Variants in ADGRL3 observed in about 807,000 individuals in gnomAD.
The protein encoded by ADGRL3 is calcium-independent alpha-latrotoxin receptor 3.
Under a neutral mutation model 153.5 loss-of-function variants are expected in ADGRL3, and 62 were observed. The ratio of observed to expected loss-of-function variants is 0.40; its 90% CI spans 0.33 to 0.50. ADGRL3 has a LOEUF of 0.50. Among genes scored for constraint, ADGRL3 ranks in the 20% least tolerant of loss-of-function variants. The pLI is 0.47. For synonymous variants in ADGRL3, 710 were observed against 672.5 expected (o/e 1.06, Z -0.86); for missense variants, 1,641 against 1,859.4 (o/e 0.88, Z 2.16).
At chr4:61,594,619 GTC>G (rs1457791620) in intron 5 of ADGRL3, among the ~76,000 whole-genome samples, 1 of 152,138 alleles carries the variant, frequency 6.6e-6, no homozygotes, top group African/African-American at 2.4e-5. Flanking sequence ...CATATTGAGT[GTC>G]TCTCTCTGTG....
intron 9 of ADGRL3, among the ~76,000 whole-genome samples, chr4:61,832,812 C>CTTTTT (rs11340246): frequency 7.3e-6 from 1 of 137,042 alleles, no homozygotes; most frequent in Non-Finnish European, 1.6e-5. Flanking sequence ...TTTTCTTTTT[C>CTTTTT]TTTTTTTTTT....
At chr4:61,600,146 A>G (rs1240463788) in intron 5 of ADGRL3, among the ~76,000 whole-genome samples, 1 of 151,786 alleles carries the variant, frequency 6.6e-6, no homozygotes, top group Non-Finnish European at 1.5e-5. Context: ...CTTCTCTACT[A>G]AAAATACAGA....
intron 4 of ADGRL3, chr4:61,583,787 AC>A (rs1426401746): frequency 2.1e-5 from 11 of 515,440 alleles, no homozygotes; most frequent in African/African-American, 1.2e-4. Context: ...TCTATTACAC[AC>A]CTAATAGATG....
intron 5 of ADGRL3, among the ~76,000 whole-genome samples, chr4:61,664,326 A>G (rs1580165650): frequency 6.6e-6 from 1 of 152,334 alleles, no homozygotes; most frequent in Admixed American, 6.5e-5. Flanking sequence ...TCCTGAAAGA[A>G]TATCATCCTC....
intron 8 of ADGRL3, among the ~76,000 whole-genome samples, chr4:61,760,145 T>C (rs2096892773): frequency 6.6e-6 from 1 of 152,158 alleles, no homozygotes; most frequent in African/African-American, 2.4e-5. Context: ...TTCTCAGATC[T>C]CCAGCTGCAT....
intron 25 of ADGRL3, among the ~76,000 whole-genome samples, chr4:62,048,404 A>G (rs567038462): frequency 6.6e-6 from 1 of 152,176 alleles, no homozygotes; most frequent in South Asian, 2.1e-4. Flanking sequence ...CTGGGATTAC[A>G]GACACACACC....
At chr4:61,359,323 T>C (rs2096247356) in intron 1 of ADGRL3, among the ~76,000 whole-genome samples, 1 of 152,192 alleles carries the variant, frequency 6.6e-6, no homozygotes, top group South Asian at 2.1e-4. Flanking sequence ...ACTCCTCTGC[T>C]CAGAATCTTA....
intron 2 of ADGRL3, among the ~76,000 whole-genome samples, chr4:61,495,150 A>G (rs981930554): frequency 6.6e-6 from 1 of 152,128 alleles, no homozygotes; most frequent in African/African-American, 2.4e-5. Flanking sequence ...GACTTGCCCA[A>G]CGTAGTAGAA....
At chr4:61,315,836 A>C (rs1313884835) in intron 1 of ADGRL3, among the ~76,000 whole-genome samples, 1 of 152,200 alleles carries the variant, frequency 6.6e-6, no homozygotes, top group Non-Finnish European at 1.5e-5. Flanking sequence ...TTAAATGCCA[A>C]ATGAACTTGT....
intron 16 of ADGRL3, 40 bp from the exon 17 acceptor site, chr4:61,948,060 A>G (rs750883234): frequency 6.5e-7 from 1 of 1,532,124 alleles, no homozygotes; most frequent in Admixed American, 1.8e-5. Context: ...ACATGATCAT[A>G]AAGTAGTTGT....
At chr4:61,726,313 C>T (rs12509549) in intron 6 of ADGRL3, among the ~76,000 whole-genome samples, 41,296 of 148,914 alleles carry the variant, frequency 0.28, 7,223 homozygotes, top group Non-Finnish European at 0.4. Context: ...ATTCTTCTGC[C>T]TCAGCCTCCC....
intron 4 of ADGRL3, among the ~76,000 whole-genome samples, chr4:61,534,665 A>G (rs550335759): frequency 6.6e-6 from 1 of 152,140 alleles, no homozygotes; most frequent in East Asian, 1.9e-4. Flanking sequence ...CCTTCATTAA[A>G]TGTATTCATA....
At chr4:61,432,207 A>T (rs1367450413) in intron 2 of ADGRL3, among the ~76,000 whole-genome samples, 1 of 152,220 alleles carries the variant, frequency 6.6e-6, no homozygotes, top group Non-Finnish European at 1.5e-5. Flanking sequence ...TTATAAAGAC[A>T]AAAAGCTTGA....
intron 18 of ADGRL3, among the ~76,000 whole-genome samples, chr4:61,980,241 C>A (rs1328509986): frequency 6.7e-6 from 1 of 150,034 alleles, no homozygotes; most frequent in Non-Finnish European, 1.5e-5. Flanking sequence ...TTTTTCACTG[C>A]CTTGAAAATC....
chr4:61,928,948 C>A lies in ADGRL3; in HGVS notation c.2113-5892C>A, dbSNP rs546152629. ...GGTATCACGGCACTAAAATTTACTC[C>A]GAGAAAACACAAATGAATATGATGT... On this transcript the variant is annotated intron_variant, in intron 13 of 26. Coordinates refer to ENST00000683033, the MANE Select transcript of ADGRL3 (RefSeq NM_001387552.1). Among the ~76,000 whole-genome samples the A allele has an allele frequency of 2.0e-5, 3 of 151,842 alleles. No individual in the cohort carries two copies. In the East Asian group the frequency reaches 5.8e-4, roughly 29 times the overall value.
intron 5 of ADGRL3, among the ~76,000 whole-genome samples, chr4:61,601,539 A>T (rs1216859655): frequency 6.6e-6 from 1 of 152,200 alleles, no homozygotes; most frequent in Non-Finnish European, 1.5e-5. Flanking sequence ...CACATATTTG[A>T]TATTGTGTTC....
rs1577834244 is a variant in ADGRL3, at chr4:61,201,542, G to A, written c.-463G>A. 2 of 152,242 alleles carry A rather than the reference G, an allele frequency of 1.3e-5. No individual in the cohort carries two copies. Among genetic ancestry groups the A allele is most frequent in the East Asian group, 3.9e-4 (2 of 5,174 alleles). 9.4% of individuals were successfully genotyped at this position (152,242 alleles called of 1,614,324 possible). ...CCGTGGCTGTGTAGCGGAAGAAAGG[G>A]AAGAGAGACTTTTTGTTGTTGTTTC... is the stretch of plus-strand genomic sequence containing the variant. On this transcript the variant is annotated 5_prime_UTR_variant, in exon 1 of 27. Coordinates refer to ENST00000683033, the MANE Select transcript of ADGRL3 (RefSeq NM_001387552.1).
chr4:61,938,759 A>C (rs1242600120), intron 15 of ADGRL3, among the ~76,000 whole-genome samples: 1 of 151,610 alleles, frequency 6.6e-6, no homozygotes, highest in Non-Finnish European at 1.5e-5. Context: ...ACGTCTCCGC[A>C]ATAAGCTAGG....
intron 5 of ADGRL3, 76 bp downstream of exon 5, chr4:61,587,516 T>C: frequency 9.2e-7 from 1 of 1,089,068 alleles, no homozygotes; most frequent in Non-Finnish European, 1.3e-6. Context: ...ATGTTAAGCA[T>C]AAGAACATAA....
Sources: allele counts gnomAD v4.1 joint callset (sites outside exome capture counted in the v4.1 genomes callset), GRCh38; gene constraint gnomAD v4.1.1; transcripts MANE v1.5; gene names NCBI Gene and HGNC (gene_info 2026-07-23, HGNC 2026-07-21).